The following MXD4 variants were observed in gnomAD, a reference collection of about 807,000 sequenced individuals.
The protein encoded by MXD4 is MAX dimerization protein 4.
MXD4 carries 16 observed loss-of-function variants against 24.5 expected under a neutral mutation model. The observed-to-expected ratio is 0.65, with a 90% CI of 0.44 to 0.99. The LOEUF is 0.99. Among genes scored for constraint, MXD4 ranks in the 50% least tolerant of loss-of-function variants. The pLI, the probability that MXD4 is intolerant of heterozygous loss-of-function variation, is 0.00. For synonymous variants in MXD4, 164 were observed against 134.2 expected (o/e 1.22, Z -1.54); for missense variants, 301 against 301.5 (o/e 1.00, Z 0.01).
chr4:2,261,327 C>T (rs556228561), intron 2 of MXD4, among the ~76,000 whole-genome samples: 1 of 152,302 alleles, frequency 6.6e-6, no homozygotes, highest in East Asian at 1.9e-4. Context: ...TTAGGGCCGG[C>T]AGCCCCCGCA....
chr4:2,258,606 AG>A (rs1466275580), intron 2 of MXD4, among the ~76,000 whole-genome samples: 1 of 152,222 alleles, frequency 6.6e-6, no homozygotes, highest in Non-Finnish European at 1.5e-5. Flanking sequence ...CCAGGCCCTC[AG>A]GACACAGGTG....
intron 2 of MXD4, among the ~76,000 whole-genome samples, chr4:2,260,836 G>A (rs2108792019): frequency 1.3e-5 from 2 of 152,324 alleles, no homozygotes; most frequent in South Asian, 4.1e-4. Flanking sequence ...ACACAAAAGG[G>A]CTGGGCCAAG....
chr4:2,252,673 C>T, intron 3 of MXD4, 151 bp from the exon 4 acceptor site: 1 of 586,266 alleles, frequency 1.7e-6, no homozygotes, highest in Non-Finnish European at 3.0e-6. Flanking sequence ...TGGTTGGGAA[C>T]CCCCGTCCCC....
intron 2 of MXD4, among the ~76,000 whole-genome samples, chr4:2,259,403 C>T (rs1388268474): frequency 6.6e-6 from 1 of 152,262 alleles, no homozygotes; most frequent in Admixed American, 6.5e-5. Flanking sequence ...GCAGAGGCCA[C>T]AGCCATATGC....
intron 2 of MXD4, chr4:2,258,780 G>A: frequency 2.5e-6 from 1 of 403,414 alleles, no homozygotes. Context: ...GGGGGACACT[G>A]AGGCCAGCCC....
rs1378069586 is a variant in MXD4, at chr4:2,248,286, A to T, written c.*2258T>A. ...CGTGGGAACCACGGCCTCAAGAGCC[A>T]CAGGCTGAGCTGCCGGGAGGGTGGG... On this transcript the variant is annotated 3_prime_UTR_variant, in exon 6 of 6. Transcript: ENST00000337190. The T allele has an allele frequency of 1.3e-5, 2 of 152,610 alleles. No homozygotes were observed. The highest frequency in any genetic ancestry group is 3.9e-4 in the East Asian group (2 of 5,188). The allele number at this position is 152,610 out of a possible 1,614,324, so 9.5% of individuals were successfully genotyped here.
rs1044610754 is a variant in MXD4 at position 2,250,842 on chromosome 4, G to A, written c.473-141C>T. ...TGGGCCCTGGGGCAGCAGACGCCAG[G>A]AGGGCTCTGGCTGAGAACCCGGCCT... On this transcript the variant is annotated intron_variant, in intron 5 of 5. Coordinates refer to ENST00000337190, the MANE Select transcript of MXD4 (RefSeq NM_006454.3). 6.4e-6 allele frequency: 8 copies of A among 1,249,502 alleles called. No individual in the cohort carries two copies. The African/African-American group carries it at 1.1e-4, about 17-fold the overall frequency. The allele number at this position is 1,249,502 out of a possible 1,614,324, so 77.4% of individuals were successfully genotyped here.
chr4:2,256,864 G>T (rs551966135), intron 3 of MXD4, among the ~76,000 whole-genome samples: 1 of 147,592 alleles, frequency 6.8e-6, no homozygotes, highest in Non-Finnish European at 1.5e-5. Flanking sequence ...CCCAGGGACC[G>T]CCTCCAGGAA....
intron 3 of MXD4, among the ~76,000 whole-genome samples, chr4:2,256,768 T>C (rs1735440238): frequency 6.6e-6 from 1 of 151,974 alleles, no homozygotes; most frequent in Admixed American, 6.5e-5. Context: ...GGGTCCCCTG[T>C]CCTCCCCAAG....
At position 2,262,006 on chromosome 4, in the gene MXD4, G is replaced by T. The variant is rs757217919; in HGVS notation, c.-26C>A. On this transcript the variant is annotated 5_prime_UTR_variant, in exon 1 of 6. Transcript: ENST00000337190. ...CCTCCCGCCCGCGCCCGTCCGCCCCGGGACGGCGGCGGCCGCTGCCCGGCC... is the reference window on the plus strand; with the variant it reads ...CCTCCCGCCCGCGCCCGTCCGCCCCTGGACGGCGGCGGCCGCTGCCCGGCC... 3 of 1,228,938 alleles carry T rather than the reference G, an allele frequency of 2.4e-6. No individual in the cohort carries two copies. Among genetic ancestry groups the T allele is most frequent in the East Asian group, 3.9e-5 (1 of 25,812 alleles). The allele number at this position is 1,228,938 out of a possible 1,614,324, so 76.1% of individuals were successfully genotyped here.
chr4:2,255,095 G>C, intron 3 of MXD4: 1 of 362,506 alleles, frequency 2.8e-6, no homozygotes, highest in South Asian at 2.0e-5. Context: ...AGTGTCCTGT[G>C]CAGTCATCAG....
chr4:2,252,857 G>A (rs1440612875), intron 3 of MXD4: 3 of 270,716 alleles, frequency 1.1e-5, no homozygotes, highest in African/African-American at 2.5e-5. Context: ...CATGCAGGGA[G>A]GGGTGGGGTG....
chr4:2,250,583 C>G lies in MXD4; in HGVS notation c.591G>C (p.Gly197=), dbSNP rs1172639341. The change falls in exon 6 of 6, where the codon GGG becomes GGC. Residue 197 remains glycine (G), a synonymous_variant. Transcript: ENST00000337190. Reference sequence around the variant, plus strand: ...GGCGGCCCAGCCGCCGGCAGTGGGGCCCGAAGCCACTGTCGCCGCCGGTGC... The same window carrying G: ...GGCGGCCCAGCCGCCGGCAGTGGGGGCCGAAGCCACTGTCGCCGCCGGTGC... ...QSGTGGDSGF[G]PHCRRLGRPA... The G allele has an allele frequency of 1.2e-6, 2 of 1,608,272 alleles. No individual in the cohort carries two copies. Among genetic ancestry groups the G allele is most frequent in the Admixed American group, 3.4e-5 (2 of 59,618 alleles).
At chr4:2,258,420 C>T (rs1735474550) in intron 2 of MXD4, among the ~76,000 whole-genome samples, 1 of 152,080 alleles carries the variant, frequency 6.6e-6, no homozygotes, top group South Asian at 2.1e-4. Flanking sequence ...GACAGGAGGA[C>T]CTAGGCCCCC....
chr4:2,256,180 C>G lies in MXD4; in HGVS notation c.194+1802G>C, dbSNP rs549722493. Among the ~76,000 whole-genome samples the G allele has an allele frequency of 2.0e-5, 3 of 152,344 alleles. No homozygotes were observed. The East Asian group carries it at 5.8e-4, about 29-fold the overall frequency. On this transcript the variant is annotated intron_variant, in intron 3 of 5. Transcript: ENST00000337190. Reference sequence around the variant, plus strand: ...AGAAGGCTGGGACCTTCCCCCAAAACACACTAAGATCAGAGCCTGGAGTGG... The same window carrying G: ...AGAAGGCTGGGACCTTCCCCCAAAAGACACTAAGATCAGAGCCTGGAGTGG...
chr4:2,248,771 G>A lies in MXD4; in HGVS notation c.*1773C>T, dbSNP rs1418757247. 2.0e-5 allele frequency: 3 copies of A among 152,268 alleles called. No homozygotes were observed. The highest frequency in any genetic ancestry group is 2.9e-5 in the Non-Finnish European group (2 of 68,076). 9.4% of individuals were successfully genotyped at this position (152,268 alleles called of 1,614,324 possible). A position where few individuals can be genotyped will look rare whatever the true frequency, so the allele number is the denominator to read the frequency against. On this transcript the variant is annotated 3_prime_UTR_variant, in exon 6 of 6. Transcript: ENST00000337190. ...CCCATCCTGGGGCGTCTATGCGTAC[G>A]ACTGAAAATAGACACGAATTTTCCC...
At chr4:2,251,453 T>A (rs1179417112) in intron 4 of MXD4, among the ~76,000 whole-genome samples, 2 of 152,184 alleles carry the variant, frequency 1.3e-5, no homozygotes, top group Non-Finnish European at 2.9e-5. Flanking sequence ...GCGGTCACAG[T>A]CAGATGCCAC....
Position 2,250,244 on chromosome 4 carries a change from A to G in MXD4, c.*300T>C. The G allele has an allele frequency of 2.3e-6, 1 of 435,014 alleles. No individual in the cohort carries two copies. The highest frequency in any genetic ancestry group is 3.7e-5 in the East Asian group (1 of 27,256). The allele number at this position is 435,014 out of a possible 1,614,324, so 26.9% of individuals were successfully genotyped here. On this transcript the variant is annotated 3_prime_UTR_variant, in exon 6 of 6. Transcript: ENST00000337190. ...GCCGAGGTTTGCAGCAATGACGTTTAATACTTCTGGAATGATTAGGAATCT... is the reference window on the plus strand; with the variant it reads ...GCCGAGGTTTGCAGCAATGACGTTTGATACTTCTGGAATGATTAGGAATCT...
rs1735341176 is a variant in MXD4 at position 2,252,393 on chromosome 4, G to C, written c.309+15C>G. ...GCAGCCAGACAGGGCAGGGTGGAGA[G>C]CAAGGCCCACTCACCTTGATGTGCA... On this transcript the variant is annotated intron_variant, in intron 4 of 5. Transcript: ENST00000337190. 6.3e-7 allele frequency: 1 copy of C among 1,598,954 alleles called. No homozygotes were observed. The highest frequency in any genetic ancestry group is 1.1e-5 in the South Asian group (1 of 90,764).
Sources: allele counts gnomAD v4.1 joint callset (sites outside exome capture counted in the v4.1 genomes callset), GRCh38; gene constraint gnomAD v4.1.1; transcripts MANE v1.5; gene names NCBI Gene and HGNC (gene_info 2026-07-23, HGNC 2026-07-21).